SEMA5A: variants seen among roughly 807,000 people sequenced by gnomAD.
The protein encoded by SEMA5A is semaphorin-5A.
SEMA5A carries 55 observed loss-of-function variants against 135.5 expected under a neutral mutation model. The observed-to-expected ratio is 0.41, with a 90% CI of 0.33 to 0.51. SEMA5A has a LOEUF of 0.51. Among genes scored for constraint, SEMA5A ranks in the 20% least tolerant of loss-of-function variants. The probability of loss-of-function intolerance (pLI) is 0.37; values close to 1 mark genes in which losing one functional copy is unlikely to be tolerated. For synonymous variants in SEMA5A, 580 were observed against 546.5 expected, an observed-to-expected ratio of 1.06 and a Z score of -0.85; for missense variants, 1,290 against 1,419.9, an observed-to-expected ratio of 0.91 and a Z score of 1.47.
At chr5:9,240,188 G>A (rs1748122658) in intron 5 of SEMA5A, among the ~76,000 whole-genome samples, 1 of 151,922 alleles carries the variant, frequency 6.6e-6, no homozygotes, top group African/African-American at 2.4e-5. Context: ...ATTTTCTGAA[G>A]ATAGTGATTA....
rs1745657814 is a variant in SEMA5A, at chr5:9,200,695, G to C, written c.932+1260C>G. ...TGTCAGAAAGAAGACTCTTCATGGG[G>C]GGTAAAAGTTGTTATTAAGCAAATA... On this transcript the variant is annotated intron_variant, in intron 9 of 22. Coordinates refer to ENST00000382496, the MANE Select transcript of SEMA5A (RefSeq NM_003966.3). Among the ~76,000 whole-genome samples, 3 of 152,268 alleles carry C rather than the reference G, an allele frequency of 2.0e-5. No individual in the cohort carries two copies. The South Asian group carries it at 6.2e-4, about 32-fold the overall frequency.
At chr5:9,055,313 T>C (rs1242542907) in intron 18 of SEMA5A, among the ~76,000 whole-genome samples, 1 of 152,210 alleles carries the variant, frequency 6.6e-6, no homozygotes, top group Non-Finnish European at 1.5e-5. Flanking sequence ...AAACAAGGTA[T>C]TAGATCCTAA....
chr5:9,122,332 CT>C (rs1740856372), intron 14 of SEMA5A, among the ~76,000 whole-genome samples: 1 of 152,160 alleles, frequency 6.6e-6, no homozygotes, highest in Non-Finnish European at 1.5e-5. Context: ...TATCCTACCC[CT>C]AATGGACTAT....
intron 15 of SEMA5A, among the ~76,000 whole-genome samples, chr5:9,109,292 G>A (rs1477053148): frequency 2.6e-5 from 4 of 151,844 alleles, no homozygotes; most frequent in South Asian, 2.1e-4. Context: ...CGCCCGCCTC[G>A]GCCTCCCAAA....
At chr5:9,241,465 G>A (rs1579691422) in intron 5 of SEMA5A, among the ~76,000 whole-genome samples, 1 of 148,138 alleles carries the variant, frequency 6.8e-6, no homozygotes, top group South Asian at 2.1e-4. Flanking sequence ...CATTTTCATT[G>A]TTATAGTAGC....
intron 5 of SEMA5A, among the ~76,000 whole-genome samples, chr5:9,258,255 T>C (rs951163145): frequency 2.6e-5 from 4 of 152,212 alleles, no homozygotes; most frequent in Non-Finnish European, 4.4e-5. Flanking sequence ...TTCATGTAAG[T>C]TCTTAAATTA....
chr5:9,331,377 C>T lies in SEMA5A; in HGVS notation c.224+6336G>A, dbSNP rs553918803. Among the ~76,000 whole-genome samples, 9 of 152,246 alleles carry T rather than the reference C, an allele frequency of 5.9e-5. No individual in the cohort carries two copies. In the South Asian group the frequency reaches 1.2e-3, roughly 21 times the overall value. On this transcript the variant is annotated intron_variant, in intron 4 of 22. Transcript: ENST00000382496. ...ATAGAAGCCTACCGTTTATTTTATG[C>T]GTCTCATAAGAATATATGCTATGTT...
In SEMA5A at chr5:9,370,355, T is replaced by C. The variant is rs184943379; in HGVS notation, c.124+9468A>G. On this transcript the variant is annotated intron_variant, in intron 3 of 22. Transcript: ENST00000382496. ...TTTCAAGGTAGGATGGGTCAAATAGTGTTACCCCGACTTTTTACACTGGGG... is the reference window on the plus strand; with the variant it reads ...TTTCAAGGTAGGATGGGTCAAATAGCGTTACCCCGACTTTTTACACTGGGG... 1.8e-4 allele frequency among the ~76,000 whole-genome samples: 28 copies of C among 152,294 alleles called. No individual in the cohort carries two copies. The East Asian group carries it at 4.6e-3, about 25-fold the overall frequency.
intron 1 of SEMA5A, among the ~76,000 whole-genome samples, chr5:9,475,213 T>G (rs1198380142): frequency 1.3e-5 from 2 of 152,242 alleles, no homozygotes; most frequent in African/African-American, 4.8e-5. Context: ...ATTACAGGTG[T>G]GAGCCACCAC....
rs1257219195 is a variant in SEMA5A, at chr5:9,545,797, G to C, written c.-388C>G. 1 of 152,382 alleles carries C rather than the reference G, an allele frequency of 6.6e-6. No homozygotes were observed. The highest frequency in any genetic ancestry group is 2.4e-5 in the African/African-American group (1 of 41,458). 9.4% of individuals were successfully genotyped at this position (152,382 alleles called of 1,614,324 possible). On this transcript the variant is annotated 5_prime_UTR_variant, in exon 1 of 23. Coordinates refer to ENST00000382496, the MANE Select transcript of SEMA5A (RefSeq NM_003966.3). This position sits in a 1 kb window ranked among gnomAD's most constrained non-coding sequence, Gnocchi z 4.5. ...TCCCCGAGCGCGCGGCCAACCGGTG[G>C]GTGGGCAGGTTCGCGCCCAGCAGAG...
intron 1 of SEMA5A, among the ~76,000 whole-genome samples, chr5:9,457,723 C>A (rs867545229): frequency 2.8e-4 from 42 of 152,178 alleles, no homozygotes; most frequent in African/African-American, 9.2e-4. Flanking sequence ...TGTAAGGATT[C>A]ATCCTATTGC....
At chr5:9,396,014 G>T (rs1361511989) in intron 2 of SEMA5A, among the ~76,000 whole-genome samples, 5 of 152,148 alleles carry the variant, frequency 3.3e-5, no homozygotes, top group African/African-American at 1.2e-4. Flanking sequence ...ATACTTCCTT[G>T]CAGGGGCACA....
At chr5:9,424,574 T>C (rs377214299) in intron 2 of SEMA5A, among the ~76,000 whole-genome samples, 73 of 152,240 alleles carry the variant, frequency 4.8e-4, no homozygotes, top group African/African-American at 1.6e-3. Context: ...CTGTCTACTC[T>C]CTAGACCCGA....
chr5:9,505,142 A>AC (rs1248561808), intron 1 of SEMA5A, among the ~76,000 whole-genome samples: 1 of 140,118 alleles, frequency 7.1e-6, no homozygotes. Flanking sequence ...TTCTAAAACA[A>AC]AAAAAAAAAA....
intron 5 of SEMA5A, among the ~76,000 whole-genome samples, chr5:9,280,582 C>T (rs1165652629): frequency 6.6e-6 from 1 of 152,160 alleles, no homozygotes; most frequent in Non-Finnish European, 1.5e-5. Flanking sequence ...GGATGACAAT[C>T]TAAAAATGAC....
chr5:9,051,985 A>G lies in SEMA5A; in HGVS notation c.2733T>C (p.Ser911=). 1 of 1,613,712 alleles carries G rather than the reference A, an allele frequency of 6.2e-7. No homozygotes were observed. Residue 911 remains serine, a synonymous_variant, in exon 20 of 23, where the codon TCT becomes TCC. Coordinates refer to ENST00000382496, the MANE Select transcript of SEMA5A (RefSeq NM_003966.3). The part of the protein sequence containing the change: ...EWSDWSECEA[S]GVQVRARQCI... The stretch of plus-strand genomic sequence containing the variant: ...ACTGGCGGGCGCGGACTTGGACGCC[A>G]GAGGCTTCACACTCAGACCAGTCCG...
chr5:9,524,742 T>C (rs1030222684), intron 1 of SEMA5A, among the ~76,000 whole-genome samples: 4 of 152,188 alleles, frequency 2.6e-5, no homozygotes, highest in African/African-American at 9.7e-5. Context: ...CTTAGCTAAT[T>C]TTCAACCATT....
At chr5:9,274,034 C>T (rs1561095856) in intron 5 of SEMA5A, among the ~76,000 whole-genome samples, 1 of 152,062 alleles carries the variant, frequency 6.6e-6, no homozygotes, top group East Asian at 1.9e-4. Flanking sequence ...AATTAAAAGA[C>T]AAAGACTGGC....
At chr5:9,350,268 G>T (rs1754055603) in intron 3 of SEMA5A, among the ~76,000 whole-genome samples, 1 of 152,132 alleles carries the variant, frequency 6.6e-6, no homozygotes, top group African/African-American at 2.4e-5. Flanking sequence ...TTGGAATTTG[G>T]TTGATTTAGG....
Sources: gnomAD v4.1 joint callset for allele counts (sites outside exome capture counted in the v4.1 genomes callset) on GRCh38, gnomAD v4.1.1 for gene constraint, Gnocchi (gnomAD v3.1) non-coding constraint, MANE v1.5 for transcripts, NCBI Gene and HGNC (gene_info 2026-07-23, HGNC 2026-07-21) for gene names.